UNC13C: variants seen among roughly 807,000 people sequenced by gnomAD.
UNC13C encodes the protein protein unc-13 homolog C.
In UNC13C, 174 loss-of-function variants were observed where a neutral mutation model predicts 245.4. That is an observed-to-expected ratio of 0.71 (90% CI 0.63 to 0.80). The LOEUF is 0.80. UNC13C is among the 30% of genes least tolerant of loss of function. UNC13C has a pLI of 0.00. For synonymous variants in UNC13C, 992 were observed against 895.1 expected, an observed-to-expected ratio of 1.11 and a Z score of -1.93; for missense variants, 2,829 against 2,602.9, an observed-to-expected ratio of 1.09 and a Z score of -1.89.
intron 2 of UNC13C, among the ~76,000 whole-genome samples, chr15:54,089,876 G>A (rs1899466865): frequency 1.3e-5 from 2 of 152,140 alleles, no homozygotes; most frequent in South Asian, 4.1e-4. Context: ...ATGTTCCCCT[G>A]CTGACTTGTG....
At chr15:54,384,274 G>A (rs1447158900) in intron 17 of UNC13C, among the ~76,000 whole-genome samples, 12 of 152,230 alleles carry the variant, frequency 7.9e-5, no homozygotes, top group African/African-American at 2.6e-4. Flanking sequence ...CAAAGCTATT[G>A]TAACCATGAC....
intron 2 of UNC13C, among the ~76,000 whole-genome samples, chr15:54,059,136 T>A (rs895200541): frequency 2.0e-5 from 3 of 152,050 alleles, no homozygotes; most frequent in African/African-American, 7.2e-5. Flanking sequence ...GAGAAAGAAA[T>A]AAAGGGTGTT....
chr15:53,860,681 G>A, the UNC13C span, among the ~76,000 whole-genome samples: 3 of 152,172 alleles, frequency 2.0e-5, no homozygotes, highest in East Asian at 1.9e-4. Flanking sequence ...TTCACTCTTC[G>A]TATAACATGC....
the UNC13C span, among the ~76,000 whole-genome samples, chr15:53,933,783 C>T: frequency 3.3e-5 from 5 of 152,116 alleles, no homozygotes; most frequent in East Asian, 1.9e-4. Context: ...TTTAGGGTTC[C>T]GTTTATAAAC....
chr15:54,159,688 C>T (rs2032895716), intron 4 of UNC13C, among the ~76,000 whole-genome samples: 1 of 152,146 alleles, frequency 6.6e-6, no homozygotes, highest in African/African-American at 2.4e-5. Context: ...GTATAAGGCT[C>T]ATGGGGATAA....
At chr15:54,493,954 G>T (rs1893836378) in intron 19 of UNC13C, among the ~76,000 whole-genome samples, 3 of 151,974 alleles carry the variant, frequency 2.0e-5, no homozygotes. Flanking sequence ...AAAGCCAAGG[G>T]GTGCAAGATA....
At chr15:54,445,354 T>C (rs1890751027) in intron 19 of UNC13C, among the ~76,000 whole-genome samples, 1 of 151,916 alleles carries the variant, frequency 6.6e-6, no homozygotes, top group Non-Finnish European at 1.5e-5. Context: ...CTGAGTCAAA[T>C]GGTATTTCTA....
At chr15:54,339,788 T>C (rs1322485235) in intron 17 of UNC13C, among the ~76,000 whole-genome samples, 1 of 152,188 alleles carries the variant, frequency 6.6e-6, no homozygotes, top group Non-Finnish European at 1.5e-5. Context: ...GGACTTCTTT[T>C]CCTCTGGGTA....
At chr15:53,885,860 A>G in the UNC13C span, among the ~76,000 whole-genome samples, 2 of 152,116 alleles carry the variant, frequency 1.3e-5, no homozygotes, top group Non-Finnish European at 2.9e-5. Context: ...AAACAAAAGG[A>G]GTTGGTCATT....
chr15:53,915,170 C>A, the UNC13C span, among the ~76,000 whole-genome samples: 2 of 152,208 alleles, frequency 1.3e-5, no homozygotes, highest in Non-Finnish European at 1.5e-5. Context: ...GCCTGTGGAG[C>A]TGACTCTGGT....
chr15:53,939,199 A>T, the UNC13C span, among the ~76,000 whole-genome samples: 1 of 152,190 alleles, frequency 6.6e-6, no homozygotes, highest in Non-Finnish European at 1.5e-5. Flanking sequence ...ATCAGAGAAC[A>T]CTATAAACAC....
the UNC13C span, among the ~76,000 whole-genome samples, chr15:53,900,554 G>C: frequency 2.6e-5 from 4 of 152,316 alleles, no homozygotes; most frequent in African/African-American, 9.6e-5. Flanking sequence ...GTGAGATATG[G>C]TGGGGATTAT....
intron 1 of UNC13C, among the ~76,000 whole-genome samples, 125 bp downstream of exon 1, chr15:53,979,052 A>G (rs1566928347): frequency 6.6e-6 from 1 of 152,132 alleles, no homozygotes; most frequent in Non-Finnish European, 1.5e-5. Context: ...AGCGTAGCAG[A>G]TATATTTGTA....
At chr15:54,585,873 CAACT>C (rs1377625543) in intron 30 of UNC13C, among the ~76,000 whole-genome samples, 4 of 152,202 alleles carry the variant, frequency 2.6e-5, no homozygotes, top group African/African-American at 9.7e-5. Flanking sequence ...ATTTGTCAAA[CAACT>C]TTCATCCTAA....
intron 4 of UNC13C, among the ~76,000 whole-genome samples, chr15:54,155,568 A>T (rs1464203268): frequency 1.1e-5 from 1 of 92,626 alleles, no homozygotes; most frequent in African/African-American, 4.0e-5. Flanking sequence ...ATAGAATATC[A>T]TTTCTTATAT....
At chr15:53,945,528 A>C in the UNC13C span, among the ~76,000 whole-genome samples, 2 of 152,104 alleles carry the variant, frequency 1.3e-5, no homozygotes. Flanking sequence ...CATTTTTGTC[A>C]GCTTTGTAAA....
intron 8 of UNC13C, among the ~76,000 whole-genome samples, chr15:54,255,132 G>A (rs562519830): frequency 4.3e-4 from 66 of 152,260 alleles, no homozygotes; most frequent in Admixed American, 1.5e-3. Flanking sequence ...AGCCCCAGTA[G>A]GCATATGTTA....
intron 30 of UNC13C, among the ~76,000 whole-genome samples, chr15:54,581,258 A>G (rs1438456125): frequency 1.3e-5 from 2 of 152,232 alleles, no homozygotes; most frequent in East Asian, 3.9e-4. Context: ...TCAGAAAGAC[A>G]CAGAGATCAA....
At chr15:54,437,003 A>G (rs1246090077) in intron 19 of UNC13C, among the ~76,000 whole-genome samples, 1 of 151,946 alleles carries the variant, frequency 6.6e-6, no homozygotes, top group Non-Finnish European at 1.5e-5. Flanking sequence ...CTGTTAGCCC[A>G]TAGCCTGCAA....
Sources: allele counts gnomAD v4.1 joint callset (sites outside exome capture counted in the v4.1 genomes callset), GRCh38; gene constraint gnomAD v4.1.1; transcripts MANE v1.5; gene names NCBI Gene and HGNC (gene_info 2026-07-23, HGNC 2026-07-21).